Variants in SULT2A1 observed in about 807,000 individuals in gnomAD.
SULT2A1 encodes sulfotransferase family 2A member 1.
A neutral mutation model predicts 33.9 loss-of-function variants in SULT2A1; 43 were observed. The observed-to-expected ratio is 1.27, with a 90% CI of 1.00 to 1.64. The LOEUF (loss-of-function observed/expected upper bound fraction) is 1.64. Ranked by LOEUF, SULT2A1 falls within the 40% of genes most tolerant of loss-of-function variation. The probability of loss-of-function intolerance (pLI) is 0.00; values close to 1 mark genes in which losing one functional copy is unlikely to be tolerated. For missense variants in SULT2A1, 300 were observed against 335.1 expected, an observed-to-expected ratio of 0.90 and a Z score of 0.82; for synonymous variants, 125 against 113.6, an observed-to-expected ratio of 1.10 and a Z score of -0.64.
At chr19:47,878,099 G>A (rs141152518) in intron 4 of SULT2A1, among the ~76,000 whole-genome samples, 83 of 152,270 alleles carry the variant, frequency 5.5e-4, no homozygotes, top group African/African-American at 1.9e-3. Flanking sequence ...AGCACCATAG[G>A]TCTCACCCAG....
intron 1 of SULT2A1, among the ~76,000 whole-genome samples, chr19:47,885,906 A>G (rs914570235): frequency 1.3e-5 from 2 of 152,124 alleles, no homozygotes; most frequent in African/African-American, 4.8e-5. Flanking sequence ...ACTCCTGTGG[A>G]TTCTCCTAAT....
chr19:47,886,305 C>T lies in SULT2A1; in HGVS notation c.-48G>A, dbSNP rs370987119. On this transcript the variant is annotated 5_prime_UTR_variant, in exon 1 of 6. Coordinates refer to ENST00000222002, the MANE Select transcript of SULT2A1 (RefSeq NM_003167.4). The stretch of plus-strand genomic sequence containing the variant: ...GTGTGAGGGTTTCAACTGTAGCCAC[C>T]GCTGGAGGCTGTGGCAGCTACAGGC... 1.1e-5 allele frequency: 17 copies of T among 1,601,954 alleles called. No individual in the cohort carries two copies. Among genetic ancestry groups the T allele is most frequent in the South Asian group, 3.4e-5 (3 of 89,516 alleles).
At chr19:47,881,193 G>A (rs1182390174) in intron 3 of SULT2A1, among the ~76,000 whole-genome samples, 2 of 151,736 alleles carry the variant, frequency 1.3e-5, no homozygotes, top group African/African-American at 4.8e-5. Context: ...CCACCACCAC[G>A]GCCAGCTAAT....
intron 3 of SULT2A1, among the ~76,000 whole-genome samples, chr19:47,879,572 G>A (rs1336758558): frequency 2.6e-5 from 4 of 152,046 alleles, no homozygotes; most frequent in Non-Finnish European, 5.9e-5. Context: ...AATGTGGCAT[G>A]TATACACCAT....
At position 47,883,754 on chromosome 19, in the gene SULT2A1, C is replaced by A. The variant is rs374843857; in HGVS notation, c.168G>T (p.Leu56=). The change falls in exon 2 of 6, where the codon CTG becomes CTT. Residue 56 remains leucine, a synonymous_variant. Transcript: ENST00000222002. The part of the protein sequence containing the change: ...GTNWLAEILC[L]MHSKGDAKWI... ...ACTTGGCATCCCCCTTGGAGTGCAT[C>A]AGGCAGAGAATCTCAGCCAACCAGT... The A allele has an allele frequency of 1.7e-5, 28 of 1,613,932 alleles. No homozygotes were observed. Among genetic ancestry groups the A allele is most frequent in the Non-Finnish European group, 2.1e-5 (25 of 1,180,012 alleles).
At chr19:47,878,631 C>G (rs1422418275) in intron 4 of SULT2A1, among the ~76,000 whole-genome samples, 1 of 151,656 alleles carries the variant, frequency 6.6e-6, no homozygotes, top group Non-Finnish European at 1.5e-5. Flanking sequence ...ATTCTCCTGC[C>G]TCAGCCTCCC....
chr19:47,880,547 G>T (rs1318408953), intron 3 of SULT2A1, among the ~76,000 whole-genome samples: 1 of 150,392 alleles, frequency 6.6e-6, no homozygotes, highest in African/African-American at 2.4e-5. Context: ...CTTAGCAATT[G>T]TCAAGTATGG....
At chr19:47,877,086 A>AAG (rs1484613888) in intron 4 of SULT2A1, among the ~76,000 whole-genome samples, 1 of 151,184 alleles carries the variant, frequency 6.6e-6, no homozygotes, top group South Asian at 2.1e-4. Context: ...CATAAAAAAA[A>AAG]AAAAAAAAGA....
intron 5 of SULT2A1, 116 bp downstream of exon 5, chr19:47,874,541 G>GAAAA (rs386389152): frequency 0.01 from 3,556 of 344,168 alleles, 6 homozygotes; most frequent in South Asian, 0.02. Flanking sequence ...CTTCATCTCG[G>GAAAA]AAAAAAAAAA....
intron 5 of SULT2A1, among the ~76,000 whole-genome samples, chr19:47,873,301 C>G (rs1277649810): frequency 1.3e-5 from 2 of 151,944 alleles, no homozygotes; most frequent in African/African-American, 4.8e-5. Context: ...TCCCGAGTAG[C>G]TGGGATTACA....
intron 1 of SULT2A1, among the ~76,000 whole-genome samples, chr19:47,884,949 C>G (rs1013506174): frequency 1.3e-5 from 2 of 150,668 alleles, no homozygotes; most frequent in Non-Finnish European, 3.0e-5. Flanking sequence ...GTAGCTGGAA[C>G]TACAGACGTG....
chr19:47,882,037 G>A, intron 3 of SULT2A1, 47 bp downstream of exon 3: 3 of 1,602,370 alleles, frequency 1.9e-6, no homozygotes, highest in Non-Finnish European at 2.6e-6. Context: ...GTCAAAAGAG[G>A]TCGGCTAGAA....
intron 3 of SULT2A1, 78 bp from the exon 4 acceptor site, chr19:47,879,208 C>T: frequency 1.2e-6 from 1 of 858,370 alleles, no homozygotes; most frequent in Non-Finnish European, 2.0e-6. Flanking sequence ...TTCATCCCCC[C>T]ACCGGCTTGT....
At chr19:47,876,932 C>G (rs1276827946) in intron 4 of SULT2A1, among the ~76,000 whole-genome samples, 1 of 151,228 alleles carries the variant, frequency 6.6e-6, no homozygotes, top group African/African-American at 2.4e-5. Context: ...AAAAAATTAG[C>G]TGGGCATGGC....
At position 47,874,730 on chromosome 19, in the gene SULT2A1, T is replaced by C. The variant is rs1473199712; in HGVS notation, c.672A>G (p.Lys224=). 5.6e-6 allele frequency: 9 copies of C among 1,614,190 alleles called. No individual in the cohort carries two copies. Among genetic ancestry groups the C allele is most frequent in the Admixed American group, 3.3e-5 (2 of 60,012 alleles). Residue 224 remains lysine (K), a synonymous_variant, in exon 5 of 6, where the codon AAA becomes AAG. Coordinates refer to ENST00000222002, the MANE Select transcript of SULT2A1 (RefSeq NM_003167.4). ...GGGAATAATTGGACATCTTGTTTTCTTTCATGCTCTGAAAGGAGCTGTTCT... is the reference window on the plus strand; with the variant it reads ...GGGAATAATTGGACATCTTGTTTTCCTTCATGCTCTGAAAGGAGCTGTTCT... ...ILKNSSFQSM[K]ENKMSNYSLL...
At chr19:47,883,869 GA>G (rs145087874) in intron 1 of SULT2A1, 84 bp from the exon 2 acceptor site, 111,854 of 1,300,154 alleles carry the variant, frequency 0.086, 5,545 homozygotes, top group Middle Eastern at 0.13. Context: ...AGCACTTTGG[GA>G]GGCTGAGGCA....
chr19:47,884,775 C>T (rs752196727), intron 1 of SULT2A1, among the ~76,000 whole-genome samples: 2 of 142,388 alleles, frequency 1.4e-5, no homozygotes, highest in Admixed American at 7.1e-5. Flanking sequence ...GGACTGTAGG[C>T]GTGAGCCACT....
chr19:47,882,239 A>G (rs1312526047), intron 2 of SULT2A1, 29 bp from the exon 3 acceptor site: 3 of 1,603,142 alleles, frequency 1.9e-6, no homozygotes, highest in African/African-American at 2.7e-5. Flanking sequence ...AGAATGAAAA[A>G]TCAATACAGT....
In SULT2A1 at chr19:47,874,840, A is replaced by G. The variant is rs768672343; in HGVS notation, c.568-6T>C. 1.2e-6 allele frequency: 2 copies of G among 1,612,200 alleles called. No homozygotes were observed. Among genetic ancestry groups the G allele is most frequent in the African/African-American group, 2.7e-5 (2 of 74,744 alleles). On this transcript the variant is annotated splice_polypyrimidine_tract_variant and splice_region_variant and intron_variant, in intron 4 of 5. Coordinates refer to ENST00000222002, the MANE Select transcript of SULT2A1 (RefSeq NM_003167.4). ...TCTATGGTTCTTCCTGTGTCCTAAA[A>G]AAGAAAAATCAAGAGAGAGGATACG...
Sources: allele counts gnomAD v4.1 joint callset (sites outside exome capture counted in the v4.1 genomes callset), GRCh38; gene constraint gnomAD v4.1.1; transcripts MANE v1.5; gene names NCBI Gene and HGNC (gene_info 2026-07-23, HGNC 2026-07-21).